PDE4D: variants seen among roughly 807,000 people sequenced by gnomAD.
The protein encoded by PDE4D is phosphodiesterase 4D, also known as 3',5'-cyclic-AMP phosphodiesterase 4D.
A neutral mutation model predicts 87.4 loss-of-function variants in PDE4D; 24 were observed. The ratio of observed to expected loss-of-function variants is 0.27; its 90% CI spans 0.20 to 0.39. The LOEUF is 0.39. Among genes scored for constraint, PDE4D ranks in the 10% least tolerant of loss-of-function variants. The probability of loss-of-function intolerance (pLI) is 1.00; values close to 1 mark genes in which losing one functional copy is unlikely to be tolerated. For synonymous variants in PDE4D, 384 were observed against 383.2 expected (o/e 1.00, Z -0.02); for missense variants, 714 against 1,041.0 (o/e 0.69, Z 4.32).
At chr5:59,267,263 G>A (rs2153538947) in intron 1 of PDE4D, among the ~76,000 whole-genome samples, 1 of 152,134 alleles carries the variant, frequency 6.6e-6, no homozygotes, top group Middle Eastern at 3.4e-3. Context: ...AATAGTATCA[G>A]TCATATAAAT....
chr5:59,876,718 T>C (rs558912302), intron 1 of PDE4D, among the ~76,000 whole-genome samples: 2 of 152,294 alleles, frequency 1.3e-5, no homozygotes, highest in East Asian at 1.9e-4. Context: ...AACTCTTCTA[T>C]ATGAGGAACA....
At chr5:59,677,426 A>G (rs927322721) in intron 1 of PDE4D, among the ~76,000 whole-genome samples, 1 of 152,212 alleles carries the variant, frequency 6.6e-6, no homozygotes, top group Non-Finnish European at 1.5e-5. Context: ...CTCTTGTCAC[A>G]CTAATAGAGA....
At chr5:60,303,289 G>A (rs1333650768) in intron 1 of PDE4D, among the ~76,000 whole-genome samples, 1 of 150,432 alleles carries the variant, frequency 6.6e-6, no homozygotes, top group Non-Finnish European at 1.5e-5. Context: ...ATGTAATTGT[G>A]TGGTTATATC....
At chr5:59,589,461 G>A (rs1825624317) in intron 1 of PDE4D, among the ~76,000 whole-genome samples, 1 of 152,134 alleles carries the variant, frequency 6.6e-6, no homozygotes, top group Non-Finnish European at 1.5e-5. Context: ...TGATCATGAT[G>A]ATGATAATGA....
At position 60,109,139 on chromosome 5, in the gene PDE4D, A is replaced by G. The variant is rs929966889; in HGVS notation, c.42+76418T>C. The stretch of plus-strand genomic sequence containing the variant: ...GAGAAAGGGCTAATATCCAGAATCT[A>G]CAATGAACTCAAACAAATTTACAAG... On this transcript the variant is annotated intron_variant, in intron 2 of 16. Coordinates refer to the PDE4D transcript ENST00000502484. Among the ~76,000 whole-genome samples, 20 of 152,044 alleles carry G rather than the reference A, an allele frequency of 1.3e-4. No homozygotes were observed. The South Asian group carries it at 3.3e-3, about 25-fold the overall frequency.
intron 1 of PDE4D, among the ~76,000 whole-genome samples, chr5:59,799,440 T>C (rs1285603648): frequency 6.6e-6 from 1 of 152,230 alleles, no homozygotes; most frequent in African/African-American, 2.4e-5. Flanking sequence ...ACAGATGGCA[T>C]CTCATTTTTT....
rs182206679 is a variant in PDE4D at position 59,178,957 on chromosome 5, T to C, written c.808+1638A>G. Among the ~76,000 whole-genome samples, 405 of 152,250 alleles carry C rather than the reference T, an allele frequency of 2.7e-3. 1 individual carries two copies. Among genetic ancestry groups the C allele is most frequent in the South Asian group, 3.9e-3 (19 of 4,818 alleles). ...TCATAAATGTAGGCCTGTCCATTCC[T>C]CAACTTAGGAAAGTGCATAGAAACA... On this transcript the variant is annotated intron_variant, in intron 5 of 14. Transcript: ENST00000340635.
At chr5:60,395,318 C>A (rs1396778853) in intron 1 of PDE4D, among the ~76,000 whole-genome samples, 1 of 151,028 alleles carries the variant, frequency 6.6e-6, no homozygotes, top group Admixed American at 6.6e-5. Context: ...TTTTTAATTT[C>A]TGGAAACTTG....
chr5:59,260,883 G>A (rs750209933), intron 1 of PDE4D, among the ~76,000 whole-genome samples: 6 of 148,878 alleles, frequency 4.0e-5, no homozygotes, highest in East Asian at 2.0e-4. Context: ...AGTTTTTCCC[G>A]ATTACTGGCT....
At chr5:59,269,881 T>C (rs1414099730) in intron 1 of PDE4D, among the ~76,000 whole-genome samples, 2 of 152,112 alleles carry the variant, frequency 1.3e-5, no homozygotes. Flanking sequence ...AAATGTCCCA[T>C]TGAAATAAAC....
chr5:60,245,757 A>G (rs1360799660), intron 1 of PDE4D, among the ~76,000 whole-genome samples: 1 of 151,914 alleles, frequency 6.6e-6, no homozygotes, highest in Non-Finnish European at 1.5e-5. Flanking sequence ...TAGATGGTAA[A>G]GGGATGGTTA....
chr5:59,918,414 C>T (rs1449816724), intron 3 of PDE4D, among the ~76,000 whole-genome samples: 1 of 152,154 alleles, frequency 6.6e-6, no homozygotes, highest in Non-Finnish European at 1.5e-5. Flanking sequence ...ATCAGGGTAA[C>T]CCTCATGATT....
intron 1 of PDE4D, among the ~76,000 whole-genome samples, chr5:59,706,319 G>A (rs1455307872): frequency 1.3e-5 from 2 of 152,070 alleles, no homozygotes; most frequent in Admixed American, 1.3e-4. Flanking sequence ...AGGTGATATG[G>A]GAGTTTCAGC....
At chr5:59,154,283 A>G (rs1051338722) in intron 5 of PDE4D, among the ~76,000 whole-genome samples, 2 of 152,228 alleles carry the variant, frequency 1.3e-5, no homozygotes, top group East Asian at 3.8e-4. Flanking sequence ...TAAAAATTAT[A>G]GTAAGAAATA....
chr5:59,312,496 G>A (rs540568534), intron 1 of PDE4D, among the ~76,000 whole-genome samples: 1 of 152,246 alleles, frequency 6.6e-6, no homozygotes, highest in Non-Finnish European at 1.5e-5. Context: ...ATAAAATGAA[G>A]TAAGATCAAG....
intron 1 of PDE4D, among the ~76,000 whole-genome samples, chr5:59,791,390 T>C (rs140662799): frequency 6.6e-6 from 1 of 152,350 alleles, no homozygotes; most frequent in East Asian, 1.9e-4. Flanking sequence ...GAACCTGCAC[T>C]GTGAATTCTG....
At position 60,274,337 on chromosome 5, in the gene PDE4D, G is replaced by T. The variant is rs1237072398; in HGVS notation, c.-89-88650C>A. 4.1e-5 allele frequency among the ~76,000 whole-genome samples: 3 copies of T among 74,044 alleles called. No homozygotes were observed. The South Asian group carries it at 1.2e-3, about 30-fold the overall frequency. The allele number at this position is 74,044 out of a possible 152,430, so 48.6% of individuals were successfully genotyped here. A position where few individuals can be genotyped will look rare whatever the true frequency, so the allele number is the denominator to read the frequency against. On this transcript the variant is annotated intron_variant, in intron 1 of 16. Coordinates refer to the PDE4D transcript ENST00000502484. The stretch of plus-strand genomic sequence containing the variant: ...TTTTGTTGTTATTTGTTTGGTTCTT[G>T]TCGTTGTTGTTGTTGTTGTTGTTGT...
At chr5:59,187,024 A>G (rs1743073168) in intron 3 of PDE4D, among the ~76,000 whole-genome samples, 1 of 152,208 alleles carries the variant, frequency 6.6e-6, no homozygotes, top group Non-Finnish European at 1.5e-5. Flanking sequence ...CAGCTAATTG[A>G]TCCCCTTCCT....
At chr5:60,433,543 C>A (rs1202261766) in intron 1 of PDE4D, among the ~76,000 whole-genome samples, 1 of 152,218 alleles carries the variant, frequency 6.6e-6, no homozygotes, top group African/African-American at 2.4e-5. Context: ...AACAGAACCA[C>A]CATTTGACCC....
Sources: gnomAD v4.1 joint callset for allele counts (sites outside exome capture counted in the v4.1 genomes callset) on GRCh38, gnomAD v4.1.1 for gene constraint, MANE v1.5 for transcripts, NCBI Gene and HGNC (gene_info 2026-07-23, HGNC 2026-07-21) for gene names.